The following DPF1 variants were observed in gnomAD, a reference collection of about 807,000 sequenced individuals.
DPF1 encodes the protein double PHD fingers 1, also known as zinc finger protein neuro-d4.
Under a neutral mutation model 58.7 loss-of-function variants are expected in DPF1, and 14 were observed. The observed-to-expected ratio is 0.24, with a 90% CI of 0.16 to 0.37. The LOEUF (loss-of-function observed/expected upper bound fraction) is 0.37. Among genes scored for constraint, DPF1 ranks in the 10% least tolerant of loss-of-function variants. The probability of loss-of-function intolerance (pLI) is 1.00; values close to 1 mark genes in which losing one functional copy is unlikely to be tolerated. For synonymous variants in DPF1, 216 were observed against 216.0 expected (o/e 1.00, Z 0.00); for missense variants, 345 against 529.9 (o/e 0.65, Z 3.43).
chr19:38,214,727 C>G (rs73028358), intron 9 of DPF1, among the ~76,000 whole-genome samples: 5,740 of 152,170 alleles, frequency 0.038, 172 homozygotes, highest in South Asian at 0.084. Context: ...CATAGTGGCA[C>G]CATCACAGTG....
Position 38,216,392 on chromosome 19 carries a change from C to A in DPF1, c.739G>T (p.Glu247Ter). Residue 247 changes from glutamate (E) to a stop codon, truncating the protein, a stop_gained, in exon 8 of 12, where the codon GAA (glutamate) becomes TAA (stop). Coordinates refer to ENST00000355526, the MANE Select transcript of DPF1 (RefSeq NM_001135155.3). LOFTEE classifies it high-confidence loss of function. ...RKNNHKQFYK[E>*]LAWVPEAQRK... The stretch of plus-strand genomic sequence containing the variant: ...TGTGCCTCAGGGACCCAGGCCAATT[C>A]TTTGTAAAACTCTGGGGTAGGGGGG... 1 of 1,591,032 alleles carries A rather than the reference C, an allele frequency of 6.3e-7. No individual in the cohort carries two copies. The highest frequency in any genetic ancestry group is 8.6e-7 in the Non-Finnish European group (1 of 1,167,984).
chr19:38,222,282 T>C lies in DPF1; in HGVS notation c.298+75A>G. 7.8e-7 allele frequency: 1 copy of C among 1,287,648 alleles called. No homozygotes were observed. The highest frequency in any genetic ancestry group is 1.1e-6 in the Non-Finnish European group (1 of 925,020). 79.8% of individuals were successfully genotyped at this position (1,287,648 alleles called of 1,614,324 possible). A position where few individuals can be genotyped will look rare whatever the true frequency, so the allele number is the denominator to read the frequency against. On this transcript the variant is annotated intron_variant, in intron 3 of 11. Coordinates refer to ENST00000355526, the MANE Select transcript of DPF1 (RefSeq NM_001135155.3). This position sits in a 1 kb window ranked among gnomAD's most constrained non-coding sequence, Gnocchi z 4.9. ...CAGGCAGACACTTGCTAGAAGGCGA[T>C]AAAGGTGATGGACGAGTGCTAGGAC... is the stretch of plus-strand genomic sequence containing the variant.
upstream of DPF1, among the ~76,000 whole-genome samples, chr19:38,226,503 T>TACACACACACACACACACACACAC (rs60328056): frequency 4.5e-5 from 6 of 133,702 alleles, no homozygotes; most frequent in Non-Finnish European, 7.9e-5. Context: ...CGGTCACTTC[T>TACACACACACACACACACACACAC]ACACACACAC....
chr19:38,212,623 T>A (rs1973535960), intron 10 of DPF1, among the ~76,000 whole-genome samples: 1 of 151,994 alleles, frequency 6.6e-6, no homozygotes. Flanking sequence ...TTATTTTATA[T>A]TTTTAGAGAC....
At chr19:38,217,929 C>A in intron 5 of DPF1, 53 bp from the exon 6 acceptor site, 1 of 1,586,052 alleles carries the variant, frequency 6.3e-7, no homozygotes, top group Non-Finnish European at 8.6e-7. Flanking sequence ...ACAGGCCAGG[C>A]GTGGTGGCTC....
rs769752548 is a variant in DPF1, at chr19:38,224,200, C to A, written c.-58G>T. On this transcript the variant is annotated 5_prime_UTR_variant, in exon 1 of 12. Transcript: ENST00000355526. This position sits in a 1 kb window ranked among gnomAD's most constrained non-coding sequence, Gnocchi z 4.5. ...CCGCCGGGTCGGTCCTCCCAGCGGT[C>A]GGGCGGGCGCTGAGGCCGCCCATCC... 2.2e-6 allele frequency: 3 copies of A among 1,360,632 alleles called. No homozygotes were observed. In the South Asian group the frequency reaches 6.0e-5, roughly 27 times the overall value. The allele number at this position is 1,360,632 out of a possible 1,614,324, so 84.3% of individuals were successfully genotyped here.
At chr19:38,213,965 T>C (rs1008172480) in intron 9 of DPF1, 1 of 560,372 alleles carries the variant, frequency 1.8e-6, no homozygotes, top group Admixed American at 3.0e-5. Context: ...ACAACCACCA[T>C]GGCAACCACA....
intron 10 of DPF1, 43 bp from the exon 11 acceptor site, chr19:38,212,404 G>A (rs1600229197): frequency 3.2e-6 from 2 of 623,548 alleles, no homozygotes; most frequent in Non-Finnish European, 5.0e-6. Flanking sequence ...GGGGGCACGG[G>A]CACCAGAAAC....
chr19:38,219,066 C>T lies in DPF1; in HGVS notation c.299-8G>A. 1 of 1,613,588 alleles carries T rather than the reference C, an allele frequency of 6.2e-7. No individual in the cohort carries two copies. The highest frequency in any genetic ancestry group is 8.5e-7 in the Non-Finnish European group (1 of 1,179,932). On this transcript the variant is annotated splice_region_variant and splice_polypyrimidine_tract_variant and intron_variant, in intron 3 of 11. Coordinates refer to ENST00000355526, the MANE Select transcript of DPF1 (RefSeq NM_001135155.3). ...TCAGGGGTGCTTCACAGTCTGGGGACAGGGCCATGGGGGGGTCAGATGGGG... is the reference window on the plus strand; with the variant it reads ...TCAGGGGTGCTTCACAGTCTGGGGATAGGGCCATGGGGGGGTCAGATGGGG...
chr19:38,218,189 G>A (rs1017849147), intron 5 of DPF1, among the ~76,000 whole-genome samples: 3 of 152,088 alleles, frequency 2.0e-5, no homozygotes, highest in Non-Finnish European at 4.4e-5. Context: ...GACAGAGCGA[G>A]ACTCCGTCTC....
chr19:38,211,375 CCAGCCACGG>C lies in DPF1; in HGVS notation c.*679_*687del, dbSNP rs1973405408. ...CACCCGGCCCCACCACCGCCACCCACCAGCCACGGCAGGCACGGGGCGGGCACAGGCTGG... is the reference window on the plus strand; with the variant it reads ...CACCCGGCCCCACCACCGCCACCCACCAGGCACGGGGCGGGCACAGGCTGG... On this transcript the variant is annotated 3_prime_UTR_variant, in exon 12 of 12. Coordinates refer to ENST00000355526, the MANE Select transcript of DPF1 (RefSeq NM_001135155.3). This position sits in a 1 kb window ranked among gnomAD's most constrained non-coding sequence, Gnocchi z 4.0. The C allele has an allele frequency of 6.6e-6, 1 of 152,460 alleles. No homozygotes were observed. The highest frequency in any genetic ancestry group is 1.5e-5 in the Non-Finnish European group (1 of 68,276). The allele number at this position is 152,460 out of a possible 1,614,324, so 9.4% of individuals were successfully genotyped here. A position where few individuals can be genotyped will look rare whatever the true frequency, so the allele number is the denominator to read the frequency against.
upstream of DPF1, among the ~76,000 whole-genome samples, chr19:38,225,284 C>T (rs1205471880): frequency 6.6e-6 from 1 of 151,650 alleles, no homozygotes; most frequent in Non-Finnish European, 1.5e-5. Flanking sequence ...AAGAATAATG[C>T]GGCCAGGTGC....
chr19:38,223,967 G>A, intron 1 of DPF1, 147 bp downstream of exon 1: 4 of 1,109,972 alleles, frequency 3.6e-6, no homozygotes, highest in East Asian at 3.2e-5. Context: ...GAGACCCACA[G>A]TCACACACTC....
At chr19:38,227,674 C>T (rs1169698000), upstream of DPF1, among the ~76,000 whole-genome samples, 1 of 152,180 alleles carries the variant, frequency 6.6e-6, no homozygotes, top group Non-Finnish European at 1.5e-5. Flanking sequence ...TGGCCTTAGC[C>T]CCACGACAGT....
At chr19:38,221,580 C>T (rs1967478162) in intron 3 of DPF1, among the ~76,000 whole-genome samples, 1 of 151,768 alleles carries the variant, frequency 6.6e-6, no homozygotes, top group African/African-American at 2.4e-5. Context: ...CATCCCAGTT[C>T]CCAGGGGAAG....
chr19:38,213,266 C>T (rs886187216), intron 10 of DPF1, among the ~76,000 whole-genome samples: 2 of 152,138 alleles, frequency 1.3e-5, no homozygotes, highest in African/African-American at 2.4e-5. Flanking sequence ...TGAGCCACCG[C>T]GCTCCGCCTG....
At position 38,224,074 on chromosome 19, in the gene DPF1, C is replaced by G; in HGVS notation, c.29+40G>C. On this transcript the variant is annotated intron_variant, in intron 1 of 11. Transcript: ENST00000355526. This position sits in a 1 kb window ranked among gnomAD's most constrained non-coding sequence, Gnocchi z 4.5. Reference sequence around the variant, plus strand: ...ACACACACACAGGCCCGCGTAGACCCGCCCGCGCTTCCTCTCCGCCTCCCG... The same window carrying G: ...ACACACACACAGGCCCGCGTAGACCGGCCCGCGCTTCCTCTCCGCCTCCCG... 1 of 1,496,116 alleles carries G rather than the reference C, an allele frequency of 6.7e-7. No individual in the cohort carries two copies. The highest frequency in any genetic ancestry group is 8.8e-7 in the Non-Finnish European group (1 of 1,135,954). 92.7% of individuals were successfully genotyped at this position (1,496,116 alleles called of 1,614,324 possible). A position where few individuals can be genotyped will look rare whatever the true frequency, so the allele number is the denominator to read the frequency against.
In DPF1 at chr19:38,229,413, G is replaced by T; in HGVS notation, c.-132+146C>A. ...ACCCCAGGGGGCGACAGGGGGTGGGGACCCCCGGGGCAAGGGTTCGCGCTG... is the reference window on the plus strand; with the variant it reads ...ACCCCAGGGGGCGACAGGGGGTGGGTACCCCCGGGGCAAGGGTTCGCGCTG... On this transcript the variant is annotated intron_variant, in intron 1 of 11. Coordinates refer to the DPF1 transcript ENST00000412732. The surrounding 1 kb of genome is among the most constrained non-coding windows in gnomAD (Gnocchi z 5.3). 3.9e-6 allele frequency: 1 copy of T among 255,104 alleles called. No homozygotes were observed. Among genetic ancestry groups the T allele is most frequent in the Non-Finnish European group, 6.6e-6 (1 of 151,746 alleles). The allele number at this position is 255,104 out of a possible 1,614,324, so 15.8% of individuals were successfully genotyped here. A position where few individuals can be genotyped will look rare whatever the true frequency, so the allele number is the denominator to read the frequency against.
chr19:38,213,544 A>G, intron 10 of DPF1, 100 bp downstream of exon 10: 1 of 1,007,018 alleles, frequency 9.9e-7, no homozygotes, highest in East Asian at 2.4e-5. Context: ...ACTGGTGTTC[A>G]CCAGGGAAGG....
Sources: allele counts gnomAD v4.1 joint callset (sites outside exome capture counted in the v4.1 genomes callset), GRCh38; gene constraint gnomAD v4.1.1; non-coding constraint Gnocchi (gnomAD v3.1); transcripts MANE v1.5; gene names NCBI Gene and HGNC (gene_info 2026-07-23, HGNC 2026-07-21).